SUCLG2: variants seen among roughly 807,000 people sequenced by gnomAD.
SUCLG2 encodes succinate-CoA ligase GDP-forming subunit beta.
SUCLG2 carries 42 observed loss-of-function variants against 47.9 expected under a neutral mutation model. The observed-to-expected ratio is 0.88, with a 90% CI of 0.69 to 1.14. The LOEUF is 1.14. SUCLG2 is among the 50% of genes most tolerant of loss of function. The pLI, the probability that SUCLG2 is intolerant of heterozygous loss-of-function variation, is 0.00. For missense variants in SUCLG2, 571 were observed against 525.9 expected, an observed-to-expected ratio of 1.09 and a Z score of -0.84; for synonymous variants, 195 against 197.3, an observed-to-expected ratio of 0.99 and a Z score of 0.10.
downstream of SUCLG2, among the ~76,000 whole-genome samples, chr3:67,370,765 G>T (rs547714640): frequency 9.9e-5 from 15 of 152,284 alleles, no homozygotes; most frequent in African/African-American, 3.1e-4. Flanking sequence ...TCATTGTACT[G>T]TACTAATCTA....
chr3:67,421,056 C>G (rs189140838), intron 9 of SUCLG2, among the ~76,000 whole-genome samples: 1 of 152,164 alleles, frequency 6.6e-6, no homozygotes, highest in Non-Finnish European at 1.5e-5. Context: ...TTCATCCTCA[C>G]AAGAAGTTCA....
intron 9 of SUCLG2, among the ~76,000 whole-genome samples, chr3:67,405,520 G>C (rs1291828163): frequency 6.6e-6 from 1 of 152,072 alleles, no homozygotes; most frequent in African/African-American, 2.4e-5. Context: ...ACATTTTTGG[G>C]GGATAATAGT....
intron 7 of SUCLG2, among the ~76,000 whole-genome samples, chr3:67,501,316 G>T (rs61519062): frequency 0.034 from 5,117 of 152,158 alleles, 291 homozygotes; most frequent in African/African-American, 0.12. Context: ...AAAACTTTAA[G>T]GATGTAAAGG....
At chr3:67,565,666 T>G (rs189491316) in intron 2 of SUCLG2, among the ~76,000 whole-genome samples, 2 of 152,316 alleles carry the variant, frequency 1.3e-5, no homozygotes, top group Non-Finnish European at 2.9e-5. Context: ...TCCACTGTGA[T>G]GTTTATCATA....
chr3:67,577,932 T>C (rs1033200477), intron 2 of SUCLG2, among the ~76,000 whole-genome samples: 3 of 152,076 alleles, frequency 2.0e-5, no homozygotes, highest in African/African-American at 7.2e-5. Flanking sequence ...TTAAGAGCAA[T>C]AGGAAGAAGA....
intron 10 of SUCLG2, among the ~76,000 whole-genome samples, chr3:67,399,166 TATA>T (rs1239776590): frequency 2.0e-5 from 3 of 148,952 alleles, no homozygotes; most frequent in East Asian, 1.9e-4. Flanking sequence ...AAACTTAAAG[TATA>T]ATAATAATAA....
intron 7 of SUCLG2, among the ~76,000 whole-genome samples, chr3:67,501,451 C>T (rs1418973884): frequency 6.6e-6 from 1 of 152,068 alleles, no homozygotes; most frequent in Non-Finnish European, 1.5e-5. Context: ...AGCTCTAAAA[C>T]CCTTGTGATT....
At chr3:67,432,869 C>G (rs994214421) in intron 9 of SUCLG2, among the ~76,000 whole-genome samples, 1 of 152,194 alleles carries the variant, frequency 6.6e-6, no homozygotes, top group South Asian at 2.1e-4. Flanking sequence ...TACCCTTTCA[C>G]CTAGAAGGTC....
chr3:67,420,327 A>G (rs1273139860), intron 9 of SUCLG2, among the ~76,000 whole-genome samples: 1 of 152,230 alleles, frequency 6.6e-6, no homozygotes, highest in Admixed American at 6.5e-5. Context: ...TTGTTTTATA[A>G]CAATGCAGTA....
At chr3:67,518,161 A>G in intron 6 of SUCLG2, 86 bp downstream of exon 6, 1 of 1,062,964 alleles carries the variant, frequency 9.4e-7, no homozygotes, top group Non-Finnish European at 1.4e-6. Context: ...GTTTCCTGGT[A>G]ATCACAAACA....
intron 9 of SUCLG2, among the ~76,000 whole-genome samples, chr3:67,450,940 T>C (rs185227631): frequency 3.9e-5 from 6 of 152,354 alleles, no homozygotes; most frequent in Admixed American, 3.9e-4. Context: ...CCTCATGGTA[T>C]GTCCATCAGG....
intron 7 of SUCLG2, among the ~76,000 whole-genome samples, chr3:67,499,540 A>C (rs1262295335): frequency 6.6e-6 from 1 of 152,138 alleles, no homozygotes; most frequent in Non-Finnish European, 1.5e-5. Flanking sequence ...ATTCCATAAT[A>C]GGAGACAGAC....
intron 2 of SUCLG2, among the ~76,000 whole-genome samples, chr3:67,577,045 G>A (rs1052917712): frequency 6.6e-6 from 1 of 152,174 alleles, no homozygotes; most frequent in Admixed American, 6.5e-5. Flanking sequence ...ACTCAAAAGT[G>A]AAGTGCTGGC....
intron 2 of SUCLG2, among the ~76,000 whole-genome samples, chr3:67,602,881 A>G (rs548496127): frequency 2.9e-4 from 44 of 152,352 alleles, no homozygotes; most frequent in African/African-American, 1.0e-3. Flanking sequence ...AGCATGAACT[A>G]AATTACGAAA....
intron 7 of SUCLG2, among the ~76,000 whole-genome samples, chr3:67,505,058 G>C (rs1705598978): frequency 6.6e-6 from 1 of 152,174 alleles, no homozygotes. Flanking sequence ...TTAAGAAACT[G>C]TATGTCTCCT....
Position 67,626,833 on chromosome 3 carries a change from G to A in SUCLG2, c.85-17237C>T, listed in dbSNP as rs572098718. On this transcript the variant is annotated intron_variant, in intron 1 of 10. Coordinates refer to ENST00000307227, the MANE Select transcript of SUCLG2 (RefSeq NM_003848.4). ...GGAGGCTGAGGCAGAAGAATGGCGT[G>A]AACCCCGGAGGCGGAGCTTGCAGTG... Among the ~76,000 whole-genome samples the A allele has an allele frequency of 3.0e-3, 425 of 139,764 alleles. 6 individuals are homozygous for A. The highest frequency in any genetic ancestry group is 0.011 in the African/African-American group (398 of 37,312). 91.7% of individuals were successfully genotyped at this position (139,764 alleles called of 152,430 possible).
chr3:67,652,277 G>T (rs1020642085), intron 1 of SUCLG2, among the ~76,000 whole-genome samples: 1 of 152,166 alleles, frequency 6.6e-6, no homozygotes, highest in Non-Finnish European at 1.5e-5. Flanking sequence ...TGAGAGACCA[G>T]TTAAAGTTAT....
At chr3:67,474,761 G>T (rs917224588) in intron 9 of SUCLG2, among the ~76,000 whole-genome samples, 2 of 152,106 alleles carry the variant, frequency 1.3e-5, no homozygotes, top group Non-Finnish European at 2.9e-5. Flanking sequence ...CCATACACAT[G>T]TCCAGGGCAT....
chr3:67,654,424 C>CA, intron 1 of SUCLG2, 79 bp downstream of exon 1: 1 of 1,141,776 alleles, frequency 8.8e-7, no homozygotes, highest in Non-Finnish European at 1.1e-6. Context: ...AGGCGGAGAC[C>CA]AAGAGTAGCA....
Sources: gnomAD v4.1 joint callset for allele counts (sites outside exome capture counted in the v4.1 genomes callset) on GRCh38, gnomAD v4.1.1 for gene constraint, MANE v1.5 for transcripts, NCBI Gene and HGNC (gene_info 2026-07-23, HGNC 2026-07-21) for gene names.